CSRP1: variants seen among roughly 807,000 people sequenced by gnomAD.
The protein encoded by CSRP1 is cysteine and glycine-rich protein 1.
CSRP1 carries 16 observed loss-of-function variants against 25.4 expected under a neutral mutation model. The ratio of observed to expected loss-of-function variants is 0.63; its 90% CI spans 0.43 to 0.96. CSRP1 has a LOEUF of 0.96. Ranked by LOEUF, CSRP1 falls within the 40% of genes least tolerant of loss-of-function variation. CSRP1 has a pLI of 0.00. For missense variants in CSRP1, 212 were observed against 243.6 expected, an observed-to-expected ratio of 0.87 and a Z score of 0.86; for synonymous variants, 97 against 95.3, an observed-to-expected ratio of 1.02 and a Z score of -0.10.
chr1:201,498,204 G>A (rs1263051478), intron 1 of CSRP1, among the ~76,000 whole-genome samples: 1 of 152,152 alleles, frequency 6.6e-6, no homozygotes, highest in Non-Finnish European at 1.5e-5. Flanking sequence ...AGAACAGATG[G>A]GGCCTGCTTC....
At chr1:201,484,884 A>G (rs904238424) in intron 5 of CSRP1, 95 bp from the exon 6 acceptor site, 3 of 1,076,272 alleles carry the variant, frequency 2.8e-6, no homozygotes, top group Non-Finnish European at 4.2e-6. Context: ...CCTAGTGCCC[A>G]GCCAGACTGC....
At chr1:201,485,569 C>T in intron 4 of CSRP1, 193 bp from the exon 5 acceptor site, 1 of 582,168 alleles carries the variant, frequency 1.7e-6, no homozygotes. Context: ...CCACACGCCA[C>T]CTCGCACCAT....
Position 201,483,756 on chromosome 1 carries a change from C to T in CSRP1, c.*957G>A. ...CTGGAGAAGGGTGGAGTGGAAGAGG[C>T]AGGGTCTTGGGTTAAAGGGAAGATT... On this transcript the variant is annotated 3_prime_UTR_variant, in exon 6 of 6. Transcript: ENST00000340006. 1 of 438,956 alleles carries T rather than the reference C, an allele frequency of 2.3e-6. No homozygotes were observed. 27.2% of individuals were successfully genotyped at this position (438,956 alleles called of 1,614,324 possible). A position where few individuals can be genotyped will look rare whatever the true frequency, so the allele number is the denominator to read the frequency against.
At chr1:201,505,097 C>T (rs1296986255) in intron 1 of CSRP1, among the ~76,000 whole-genome samples, 7 of 152,032 alleles carry the variant, frequency 4.6e-5, no homozygotes, top group Non-Finnish European at 7.4e-5. Context: ...AAGACTGCCT[C>T]AAAACAAAAA....
At position 201,483,621 on chromosome 1, in the gene CSRP1, G is replaced by A. The variant is rs1423889509; in HGVS notation, c.*1092C>T. ...CTTTCAGTGGGTGGCTCCAGATAGT[G>A]TTGTCCTTTCAGTTGCTGGGAGCGG... On this transcript the variant is annotated 3_prime_UTR_variant, in exon 6 of 6. Transcript: ENST00000340006. 4.8e-6 allele frequency: 1 copy of A among 206,564 alleles called. No homozygotes were observed. The highest frequency in any genetic ancestry group is 1.0e-5 in the Non-Finnish European group (1 of 98,270). The allele number at this position is 206,564 out of a possible 1,614,324, so 12.8% of individuals were successfully genotyped here.
In CSRP1 at chr1:201,484,487, T is replaced by C; in HGVS notation, c.*226A>G. 1 of 573,752 alleles carries C rather than the reference T, an allele frequency of 1.7e-6. No individual in the cohort carries two copies. The allele number at this position is 573,752 out of a possible 1,614,324, so 35.5% of individuals were successfully genotyped here. On this transcript the variant is annotated 3_prime_UTR_variant, in exon 6 of 6. Transcript: ENST00000340006. Reference sequence around the variant, plus strand: ...CTCACCTAGACCCAAAACACTGAGGTCTCCTACTGGTGATGGTGTCAGATC... The same window carrying C: ...CTCACCTAGACCCAAAACACTGAGGCCTCCTACTGGTGATGGTGTCAGATC...
intron 2 of CSRP1, among the ~76,000 whole-genome samples, chr1:201,495,382 A>G (rs966261910): frequency 7.2e-5 from 11 of 152,204 alleles, no homozygotes; most frequent in Non-Finnish European, 1.0e-4. Context: ...CTCTGTCTTA[A>G]GAAAGAAAAT....
At chr1:201,498,705 T>C (rs1397630999) in intron 1 of CSRP1, among the ~76,000 whole-genome samples, 2 of 152,196 alleles carry the variant, frequency 1.3e-5, no homozygotes, top group Non-Finnish European at 2.9e-5. Context: ...TGGCTGTTCA[T>C]ATAGGTGGCC....
At chr1:201,495,849 G>T in intron 2 of CSRP1, 1 of 218,142 alleles carries the variant, frequency 4.6e-6, no homozygotes. Context: ...AGGGTGCAAA[G>T]GGCTGAAAGT....
At chr1:201,488,782 T>C (rs1003431689) in intron 4 of CSRP1, 73 bp downstream of exon 4, 2 of 1,575,788 alleles carry the variant, frequency 1.3e-6, no homozygotes. Flanking sequence ...AGGTCACCAA[T>C]TTAAAAGTTC....
chr1:201,505,353 G>A lies in CSRP1; in HGVS notation c.-2+1717C>T, dbSNP rs1489236965. On this transcript the variant is annotated intron_variant, in intron 1 of 5. Transcript: ENST00000340006. ...GGACTCACTAGCTCCAGAGGCAGAT[G>A]CACATGTGTGCAATTAAAAGAGCAA... Among the ~76,000 whole-genome samples, 9 of 152,310 alleles carry A rather than the reference G, an allele frequency of 5.9e-5. 1 individual carries two copies. The highest frequency in any genetic ancestry group is 4.6e-4 in the Admixed American group (7 of 15,300).
At chr1:201,496,659 G>A (rs531545000) in intron 1 of CSRP1, 16 of 259,538 alleles carry the variant, frequency 6.2e-5, no homozygotes, top group African/African-American at 3.3e-4. Context: ...CGTCAACATG[G>A]ACGGATCTCA....
In CSRP1 at chr1:201,483,691, T is replaced by C; in HGVS notation, c.*1022A>G. On this transcript the variant is annotated 3_prime_UTR_variant, in exon 6 of 6. Transcript: ENST00000340006. ...CTTCCTCCCACCACTATTCCTAACC[T>C]GGGGCCTGGCAGGGGTGGAGTGATG... 1 of 296,078 alleles carries C rather than the reference T, an allele frequency of 3.4e-6. No individual in the cohort carries two copies. Among genetic ancestry groups the C allele is most frequent in the Non-Finnish European group, 6.5e-6 (1 of 153,836 alleles). The allele number at this position is 296,078 out of a possible 1,614,324, so 18.3% of individuals were successfully genotyped here.
Position 201,496,263 on chromosome 1 carries a change from T to C in CSRP1, c.41A>G (p.Gln14Arg), listed in dbSNP as rs1235709796. The C allele has an allele frequency of 6.2e-7, 1 of 1,614,188 alleles. No homozygotes were observed. The highest frequency in any genetic ancestry group is 1.3e-5 in the African/African-American group (1 of 75,058). Reference protein sequence around the residue: ...WGGGKKCGVCQKTVYFAEEVQ... With the variant: ...WGGGKKCGVCRKTVYFAEEVQ... ...CTCTTCGGCAAAGTAAACCGTCTTC[T>C]GACACACCCCACATTTCTTGCCTCC... The change falls in exon 2 of 6, where the codon CAG becomes CGG. Residue 14 changes from glutamine (Q) to arginine (R), a missense_variant. Transcript: ENST00000340006.
At chr1:201,496,751 C>G (rs1187477796) in intron 1 of CSRP1, among the ~76,000 whole-genome samples, 1 of 152,214 alleles carries the variant, frequency 6.6e-6, no homozygotes, top group Non-Finnish European at 1.5e-5. Context: ...GGGCTAAACT[C>G]ATATTGCCAA....
rs1558305356 is a variant in CSRP1, at chr1:201,484,580, G to A, written c.*133C>T. 2.3e-6 allele frequency: 2 copies of A among 866,190 alleles called. No individual in the cohort carries two copies. Among genetic ancestry groups the A allele is most frequent in the Non-Finnish European group, 3.6e-6 (2 of 556,956 alleles). The allele number at this position is 866,190 out of a possible 1,614,324, so 53.7% of individuals were successfully genotyped here. Reference sequence around the variant, plus strand: ...ACCCCCAAACCAAAGGGAGCCAGATGCCCAAGTTCAAGTCATTAGTGATAT... The same window carrying A: ...ACCCCCAAACCAAAGGGAGCCAGATACCCAAGTTCAAGTCATTAGTGATAT... On this transcript the variant is annotated 3_prime_UTR_variant, in exon 6 of 6. Transcript: ENST00000340006.
rs147255089 is a variant in CSRP1 at position 201,501,278 on chromosome 1, G to A, written c.-1-4974C>T. On this transcript the variant is annotated intron_variant, in intron 1 of 5. Transcript: ENST00000340006. ...TAGCTAGTCCACATATGGAAGGAGC[G>A]AGGCTTAAGAAGTACCATGCCAAAT... Among the ~76,000 whole-genome samples the A allele has an allele frequency of 2.8e-3, 429 of 152,298 alleles. 1 individual carries two copies. Among genetic ancestry groups the A allele is most frequent in the African/African-American group, 9.9e-3 (412 of 41,554 alleles).
At chr1:201,502,980 CAAA>C (rs3029388) in intron 1 of CSRP1, among the ~76,000 whole-genome samples, 31,535 of 142,806 alleles carry the variant, frequency 0.22, 3,741 homozygotes, top group East Asian at 0.5. Context: ...ACTAAATATA[CAAA>C]AAAAAAAAAA....
intron 1 of CSRP1, among the ~76,000 whole-genome samples, chr1:201,504,770 C>G (rs1216843268): frequency 6.7e-6 from 1 of 149,156 alleles, no homozygotes; most frequent in Non-Finnish European, 1.5e-5. Flanking sequence ...CGAGACCAGA[C>G]TGGCCAATAT....
Sources: allele counts gnomAD v4.1 joint callset (sites outside exome capture counted in the v4.1 genomes callset), GRCh38; gene constraint gnomAD v4.1.1; transcripts MANE v1.5; gene names NCBI Gene and HGNC (gene_info 2026-07-23, HGNC 2026-07-21).